Variants in AGBL1 observed in about 807,000 individuals in gnomAD.
AGBL1 encodes the protein cytosolic carboxypeptidase 4.
Under a neutral mutation model 118.9 loss-of-function variants are expected in AGBL1, and 130 were observed. The observed-to-expected ratio is 1.09, with a 90% CI of 0.95 to 1.26. The LOEUF (loss-of-function observed/expected upper bound fraction) is 1.26. Among genes scored for constraint, AGBL1 ranks in the 50% most tolerant of loss-of-function variants. The pLI is 0.00. For missense variants in AGBL1, 1,584 were observed against 1,298.1 expected (o/e 1.22, Z -3.38); for synonymous variants, 555 against 478.9 (o/e 1.16, Z -2.08).
chr15:86,739,096 T>C (rs560776571), intron 22 of AGBL1, among the ~76,000 whole-genome samples: 134 of 151,772 alleles, frequency 8.8e-4, no homozygotes, highest in African/African-American at 3.1e-3. Context: ...CAGTGAGCCA[T>C]GATCACACCA....
At chr15:87,011,265 A>G (rs773871295) in intron 24 of AGBL1, among the ~76,000 whole-genome samples, 1 of 152,204 alleles carries the variant, frequency 6.6e-6, no homozygotes, top group Non-Finnish European at 1.5e-5. Flanking sequence ...GAGTACCTGA[A>G]TGGTTGCATG....
rs77681399 is a variant in AGBL1, at chr15:86,826,652, G to T, written c.3159-80435G>T. Among the ~76,000 whole-genome samples, 845 of 152,176 alleles carry T rather than the reference G, an allele frequency of 5.6e-3. 2 individuals carry two copies. The highest frequency in any genetic ancestry group is 0.01 in the Non-Finnish European group (682 of 67,980). ...CATTTCTAAAACGCTCCTAGGTGCT[G>T]TTAATGTTACTGTTCTGGGGTCTAC... On this transcript the variant is annotated intron_variant, in intron 22 of 22. Coordinates refer to ENST00000614907, the MANE Select transcript of AGBL1 (RefSeq NM_001386094.1).
At chr15:86,668,406 C>A (rs2142535032) in intron 21 of AGBL1, among the ~76,000 whole-genome samples, 1 of 152,158 alleles carries the variant, frequency 6.6e-6, no homozygotes, top group African/African-American at 2.4e-5. Context: ...CCTTTTTGTG[C>A]CTTTTAATGT....
intron 22 of AGBL1, among the ~76,000 whole-genome samples, chr15:86,791,054 A>C (rs8027950): frequency 3.9e-5 from 6 of 152,034 alleles, no homozygotes; most frequent in Admixed American, 3.9e-4. Context: ...ATTGGAAGAT[A>C]GATGATATTT....
chr15:86,846,662 G>C (rs2079323475), intron 22 of AGBL1, among the ~76,000 whole-genome samples: 1 of 152,118 alleles, frequency 6.6e-6, no homozygotes, highest in Admixed American at 6.5e-5. Flanking sequence ...CTCCTGAGTA[G>C]CTGGGTCCAC....
chr15:86,779,543 A>G (rs1427972554), intron 22 of AGBL1, among the ~76,000 whole-genome samples: 1 of 152,172 alleles, frequency 6.6e-6, no homozygotes, highest in Non-Finnish European at 1.5e-5. Context: ...TGATGAAAAT[A>G]TGCATCTAAT....
chr15:86,261,597 C>T (rs1243178651), intron 9 of AGBL1, among the ~76,000 whole-genome samples: 1 of 151,104 alleles, frequency 6.6e-6, no homozygotes, highest in Non-Finnish European at 1.5e-5. Context: ...ATGAAATATA[C>T]TTGTAAAACA....
At chr15:86,830,953 A>G (rs1596529817) in intron 22 of AGBL1, among the ~76,000 whole-genome samples, 2 of 152,334 alleles carry the variant, frequency 1.3e-5, no homozygotes, top group Admixed American at 6.5e-5. Flanking sequence ...TAAAGGAAAG[A>G]GGTTTAATGG....
At chr15:86,519,992 C>A (rs2142195332) in intron 18 of AGBL1, among the ~76,000 whole-genome samples, 1 of 152,308 alleles carries the variant, frequency 6.6e-6, no homozygotes, top group East Asian at 1.9e-4. Flanking sequence ...GTTCAGCCTA[C>A]TGCCTCTACC....
intron 17 of AGBL1, among the ~76,000 whole-genome samples, chr15:86,300,802 C>A (rs1441165906): frequency 1.6e-4 from 24 of 152,080 alleles, no homozygotes; most frequent in Non-Finnish European, 1.5e-5. Context: ...AATATTCTTA[C>A]AAAAGCAATG....
At chr15:86,303,141 G>A (rs1397413928) in intron 17 of AGBL1, among the ~76,000 whole-genome samples, 1 of 152,124 alleles carries the variant, frequency 6.6e-6, no homozygotes, top group African/African-American at 2.4e-5. Flanking sequence ...TTAACTTTAT[G>A]ACCTTGGAAA....
intron 23 of AGBL1, among the ~76,000 whole-genome samples, chr15:86,973,897 A>G (rs1156431943): frequency 6.9e-6 from 1 of 144,210 alleles, no homozygotes; most frequent in Non-Finnish European, 1.5e-5. Context: ...ATATACATAT[A>G]TATATTAAAT....
intron 5 of AGBL1, among the ~76,000 whole-genome samples, chr15:86,204,055 G>C (rs1268461472): frequency 6.6e-6 from 1 of 152,168 alleles, no homozygotes; most frequent in African/African-American, 2.4e-5. Flanking sequence ...TGATGGATGA[G>C]GAGTCTGGGA....
intron 17 of AGBL1, among the ~76,000 whole-genome samples, chr15:86,380,407 C>T (rs207475648): frequency 6.6e-6 from 1 of 151,914 alleles, no homozygotes; most frequent in Non-Finnish European, 1.5e-5. Context: ...GCCTCAGCCT[C>T]CTGAGTAGCT....
intron 17 of AGBL1, among the ~76,000 whole-genome samples, chr15:86,383,464 G>C (rs2081140959): frequency 6.6e-6 from 1 of 151,920 alleles, no homozygotes; most frequent in African/African-American, 2.4e-5. Flanking sequence ...GGCGGCGCCT[G>C]TAATCCCAGC....
At chr15:86,764,172 A>G (rs111844276) in intron 22 of AGBL1, among the ~76,000 whole-genome samples, 11 of 152,134 alleles carry the variant, frequency 7.2e-5, no homozygotes, top group African/African-American at 2.4e-4. Context: ...GCTTGGAACC[A>G]TTGAACCTTA....
At chr15:86,740,396 G>C (rs917237109) in intron 22 of AGBL1, among the ~76,000 whole-genome samples, 6 of 152,092 alleles carry the variant, frequency 3.9e-5, no homozygotes, top group African/African-American at 1.4e-4. Context: ...TAAGATTCTT[G>C]ACATAAAATT....
At chr15:86,773,826 T>C (rs2078215375) in intron 22 of AGBL1, among the ~76,000 whole-genome samples, 1 of 151,780 alleles carries the variant, frequency 6.6e-6, no homozygotes. Flanking sequence ...GAAAAGAATC[T>C]CTCCTAGATT....
intron 18 of AGBL1, among the ~76,000 whole-genome samples, chr15:86,423,477 T>A (rs1016104964): frequency 3.3e-5 from 5 of 151,530 alleles, no homozygotes; most frequent in African/African-American, 1.2e-4. Context: ...AAACCAGCAC[T>A]AGACAAGGAT....
Sources: gnomAD v4.1 joint callset for allele counts (sites outside exome capture counted in the v4.1 genomes callset) on GRCh38, gnomAD v4.1.1 for gene constraint, MANE v1.5 for transcripts, NCBI Gene and HGNC (gene_info 2026-07-23, HGNC 2026-07-21) for gene names.